The following MOCOS variants were observed in gnomAD, a reference collection of about 807,000 sequenced individuals.
MOCOS encodes the protein human molybdenum cofactor sulfurase.
Under a neutral mutation model 83.6 loss-of-function variants are expected in MOCOS, and 86 were observed. The ratio of observed to expected loss-of-function variants is 1.03; its 90% confidence interval spans 0.86 to 1.23. MOCOS has a LOEUF of 1.23. Ranked by LOEUF, MOCOS falls within the 50% of genes most tolerant of loss-of-function variation. The probability of loss-of-function intolerance (pLI) is 0.00; values close to 1 mark genes in which losing one functional copy is unlikely to be tolerated. For synonymous variants in MOCOS, 445 were observed against 434.7 expected (o/e 1.02, Z -0.29); for missense variants, 1,120 against 1,126.9 (o/e 0.99, Z 0.09).
At chr18:36,266,652 G>A (rs2091682876) in intron 13 of MOCOS, 97 bp from the exon 14 acceptor site, 3 of 1,018,778 alleles carry the variant, frequency 2.9e-6, no homozygotes, top group Non-Finnish European at 3.0e-6. Flanking sequence ...GCTCTCCATA[G>A]TTAGGGGACT....
chr18:36,252,389 C>A (rs555869035), intron 11 of MOCOS, among the ~76,000 whole-genome samples: 1 of 152,052 alleles, frequency 6.6e-6, no homozygotes, highest in Non-Finnish European at 1.5e-5. Flanking sequence ...GAAACCGTAT[C>A]TCTTCAAAAA....
At chr18:36,198,814 T>G (rs1292274442) in intron 3 of MOCOS, 58 bp downstream of exon 3, 45 of 1,575,740 alleles carry the variant, frequency 2.9e-5, no homozygotes, top group Non-Finnish European at 2.4e-5. Context: ...ACTTCCTTCC[T>G]AGGACTTGCC....
intron 1 of MOCOS, among the ~76,000 whole-genome samples, chr18:36,191,781 A>G (rs1030564764): frequency 2.0e-5 from 3 of 152,072 alleles, no homozygotes; most frequent in African/African-American, 7.2e-5. Context: ...TGTGAGCCAT[A>G]TGTCTCACCA....
intron 13 of MOCOS, among the ~76,000 whole-genome samples, chr18:36,261,460 G>C (rs1418305548): frequency 1.3e-5 from 2 of 152,126 alleles, no homozygotes; most frequent in Non-Finnish European, 2.9e-5. Context: ...TTAGCCACTG[G>C]TATAAACTGA....
intron 12 of MOCOS, among the ~76,000 whole-genome samples, chr18:36,259,566 AAG>A (rs1164659021): frequency 2.7e-5 from 4 of 149,426 alleles, no homozygotes; most frequent in African/African-American, 9.9e-5. Flanking sequence ...AAAAAAAAAA[AAG>A]AGTGAGATCT....
chr18:36,235,555 AAGTCT>A (rs1285578685), intron 9 of MOCOS, among the ~76,000 whole-genome samples: 1 of 119,960 alleles, frequency 8.3e-6, no homozygotes, highest in Non-Finnish European at 1.7e-5. Context: ...GGTTGGTTCC[AAGTCT>A]TTGCTATTGT....
intron 11 of MOCOS, among the ~76,000 whole-genome samples, chr18:36,251,595 A>G (rs1477188353): frequency 2.0e-5 from 3 of 152,216 alleles, no homozygotes; most frequent in Non-Finnish European, 2.9e-5. Flanking sequence ...ATAGCTTGCT[A>G]TGTCCTCAGA....
Position 36,257,064 on chromosome 18 carries a change from T to C in MOCOS, c.2261T>C (p.Leu754Pro). The C allele has an allele frequency of 6.2e-7, 1 of 1,613,444 alleles. No homozygotes were observed. Among genetic ancestry groups the C allele is most frequent in the East Asian group, 2.2e-5 (1 of 44,868 alleles). The part of the protein sequence containing the change: ...TSSILELHRQ[L>P]NTSDENGKEE... ...AGTATTTTGGAACTTCACCGGCAAC[T>C]AAACACCAGGTAAGACCTCATACCT... Residue 754 changes from leucine to proline, a missense_variant, in exon 12 of 15, where the codon CTA becomes CCA. Transcript: ENST00000261326.
chr18:36,213,849 A>G (rs1482411130), intron 7 of MOCOS, among the ~76,000 whole-genome samples: 57 of 151,876 alleles, frequency 3.8e-4, no homozygotes, highest in Non-Finnish European at 1.5e-5. Context: ...GAATCGTTTG[A>G]GCCCAGGAGG....
intron 3 of MOCOS, among the ~76,000 whole-genome samples, chr18:36,199,033 C>T (rs1377915827): frequency 6.6e-6 from 1 of 152,150 alleles, no homozygotes; most frequent in Non-Finnish European, 1.5e-5. Context: ...GCCAAAGTGA[C>T]AGGAAGTGAC....
Position 36,195,314 on chromosome 18 carries a change from G to C in MOCOS, c.200G>C (p.Ser67Thr). ...TTGTTCTCCCAGAGCCAGCTCGAAA[G>C]CTTCACTAGTGATCTCATGGAAAAC... ...ATLFSQSQLE[S>T]FTSDLMENTY... Residue 67 changes from serine to threonine, a missense_variant, in exon 2 of 15, where the codon AGC becomes ACC. Ser to Thr is a moderately conservative substitution (Grantham distance 58). Transcript: ENST00000261326. The C allele has an allele frequency of 6.2e-7, 1 of 1,614,176 alleles. No individual in the cohort carries two copies. The highest frequency in any genetic ancestry group is 8.5e-7 in the Non-Finnish European group (1 of 1,180,002).
chr18:36,220,274 T>C, intron 9 of MOCOS, 57 bp downstream of exon 9: 4 of 1,596,916 alleles, frequency 2.5e-6, no homozygotes, highest in Non-Finnish European at 3.4e-6. Flanking sequence ...TTTATATTCA[T>C]ATGAAATACT....
At chr18:36,267,153 C>T (rs1168960207) in intron 14 of MOCOS, among the ~76,000 whole-genome samples, 1 of 151,996 alleles carries the variant, frequency 6.6e-6, no homozygotes, top group Non-Finnish European at 1.5e-5. Context: ...TTTTCTTTAA[C>T]ACAGAGAGCT....
At chr18:36,252,803 T>G (rs1397780469) in intron 11 of MOCOS, among the ~76,000 whole-genome samples, 1 of 152,194 alleles carries the variant, frequency 6.6e-6, no homozygotes, top group Non-Finnish European at 1.5e-5. Context: ...CTGCATAGTT[T>G]AACCTACAAA....
At chr18:36,234,496 T>G (rs1011971423) in intron 9 of MOCOS, among the ~76,000 whole-genome samples, 6 of 152,192 alleles carry the variant, frequency 3.9e-5, no homozygotes, top group Non-Finnish European at 8.8e-5. Context: ...TGCTTAGTCT[T>G]GCTTTGGCTA....
intron 9 of MOCOS, among the ~76,000 whole-genome samples, chr18:36,221,290 G>A (rs991353228): frequency 7.9e-5 from 12 of 152,258 alleles, no homozygotes; most frequent in Admixed American, 7.9e-4. Flanking sequence ...TGGACAGCAC[G>A]GGTATAAAGA....
chr18:36,231,203 A>G (rs2091536364), intron 9 of MOCOS, among the ~76,000 whole-genome samples: 1 of 152,132 alleles, frequency 6.6e-6, no homozygotes. Flanking sequence ...CCCATAAGCT[A>G]TTAATATGAT....
chr18:36,193,266 G>A (rs562496568), intron 1 of MOCOS, among the ~76,000 whole-genome samples: 25 of 134,568 alleles, frequency 1.9e-4, no homozygotes, highest in Non-Finnish European at 3.2e-4. Flanking sequence ...AGCCGAGATT[G>A]CGCCACTGCA....
intron 9 of MOCOS, among the ~76,000 whole-genome samples, chr18:36,223,043 C>CT: frequency 6.6e-6 from 1 of 152,286 alleles, no homozygotes; most frequent in East Asian, 1.9e-4. Flanking sequence ...CACAGGTTGC[C>CT]TTTTCACTTT....
Sources: gnomAD v4.1 joint callset for allele counts (sites outside exome capture counted in the v4.1 genomes callset) on GRCh38, gnomAD v4.1.1 for gene constraint, MANE v1.5 for transcripts, NCBI Gene and HGNC (gene_info 2026-07-23, HGNC 2026-07-21) for gene names.